Variants in ULK2 observed in about 807,000 individuals in gnomAD.
ULK2 encodes unc-51 like autophagy activating kinase 2, also known as serine/threonine-protein kinase ULK2.
A neutral mutation model predicts 127.5 loss-of-function variants in ULK2; 76 were observed. The observed-to-expected ratio is 0.60, with a 90% confidence interval of 0.50 to 0.72. The LOEUF is 0.72. Among genes scored for constraint, ULK2 ranks in the 30% least tolerant of loss-of-function variants. The pLI is 0.00. For synonymous variants in ULK2, 452 were observed against 461.9 expected (o/e 0.98, Z 0.28); for missense variants, 1,144 against 1,295.9 (o/e 0.88, Z 1.80).
Position 19,804,678 on chromosome 17 carries a change from A to G in ULK2, c.1295+15T>C. Reference sequence around the variant, plus strand: ...GATGAAAAAGAATTAAGCAAGAAAAAAGCTACTAACTTACCTTGGAGAACC... The same window carrying G: ...GATGAAAAAGAATTAAGCAAGAAAAGAGCTACTAACTTACCTTGGAGAACC... On this transcript the variant is annotated intron_variant, in intron 15 of 26. Coordinates refer to ENST00000395544, the MANE Select transcript of ULK2 (RefSeq NM_014683.4). 1 of 1,564,018 alleles carries G rather than the reference A, an allele frequency of 6.4e-7. No individual in the cohort carries two copies. The highest frequency in any genetic ancestry group is 1.9e-5 in the Admixed American group (1 of 51,606).
At chr17:19,829,359 A>C (rs557380654) in intron 10 of ULK2, among the ~76,000 whole-genome samples, 1 of 152,012 alleles carries the variant, frequency 6.6e-6, no homozygotes, top group African/African-American at 2.4e-5. Context: ...AAAATGGTGA[A>C]ACCCTGTCTC....
chr17:19,851,495 C>T (rs2042015089), intron 3 of ULK2, among the ~76,000 whole-genome samples: 1 of 151,628 alleles, frequency 6.6e-6, no homozygotes, highest in South Asian at 2.1e-4. Flanking sequence ...AAGAAATTAG[C>T]CGGGCGTGGT....
At chr17:19,797,068 CAGATCACTTGAGGCCAGG>C (rs2087286947) in intron 18 of ULK2, among the ~76,000 whole-genome samples, 1 of 152,110 alleles carries the variant, frequency 6.6e-6, no homozygotes, top group Non-Finnish European at 1.5e-5. Context: ...CTGAGGCAGG[CAGATCACTTGAGGCCAGG>C]AGTTAAAGAC....
At chr17:19,816,257 G>T (rs2040986387) in intron 13 of ULK2, among the ~76,000 whole-genome samples, 1 of 151,968 alleles carries the variant, frequency 6.6e-6, no homozygotes, top group South Asian at 2.1e-4. Context: ...TAGGTTTTCT[G>T]GTACCCTTCA....
rs2041000456 is a variant in ULK2 at position 19,816,786 on chromosome 17, A to G, written c.1059T>C (p.Phe353=). ...ACGAGATGTTGTGTGGCACCAAAAC[A>G]AAGTCATCCGTGTCACAAGAAGAGT... The part of the protein sequence containing the change: ...SKNSSCDTDD[F]VLVPHNISSD... The change falls in exon 13 of 27, where the codon TTT becomes TTC. Residue 353 remains phenylalanine (F), a synonymous_variant. Coordinates refer to ENST00000395544, the MANE Select transcript of ULK2 (RefSeq NM_014683.4). 1.2e-6 allele frequency: 2 copies of G among 1,607,856 alleles called. No individual in the cohort carries two copies. The highest frequency in any genetic ancestry group is 1.7e-6 in the Non-Finnish European group (2 of 1,178,288).
intron 3 of ULK2, among the ~76,000 whole-genome samples, chr17:19,852,565 T>C (rs888977712): frequency 3.3e-5 from 5 of 151,152 alleles, no homozygotes; most frequent in Non-Finnish European, 5.9e-5. Context: ...CATATACTGC[T>C]AGGCTATTTA....
At chr17:19,800,197 T>C (rs1254088805) in intron 16 of ULK2, among the ~76,000 whole-genome samples, 1 of 152,198 alleles carries the variant, frequency 6.6e-6, no homozygotes, top group Admixed American at 6.5e-5. Context: ...CTGAGGGCCC[T>C]CCCTGCTTCC....
At chr17:19,781,764 A>G in intron 23 of ULK2, 125 bp downstream of exon 23, 2 of 1,119,512 alleles carry the variant, frequency 1.8e-6, no homozygotes, top group Non-Finnish European at 2.5e-6. Flanking sequence ...GTACAAAGAA[A>G]TAATTGAGAC....
At chr17:19,859,078 C>A (rs1487396027) in intron 3 of ULK2, among the ~76,000 whole-genome samples, 1 of 152,128 alleles carries the variant, frequency 6.6e-6, no homozygotes, top group East Asian at 1.9e-4. Context: ...TCACTTTAGT[C>A]CAGCAGTTCG....
intron 10 of ULK2, among the ~76,000 whole-genome samples, chr17:19,829,084 A>C (rs753470313): frequency 1.8e-4 from 28 of 152,086 alleles, no homozygotes; most frequent in Non-Finnish European, 2.9e-4. Context: ...AAAAGAAAAA[A>C]GAAAAAGAGA....
At chr17:19,818,688 T>C (rs746849579) in intron 12 of ULK2, among the ~76,000 whole-genome samples, 9 of 152,164 alleles carry the variant, frequency 5.9e-5, no homozygotes, top group Non-Finnish European at 1.2e-4. Flanking sequence ...TCCTCTCCTT[T>C]TGTTATGGCA....
Position 19,867,479 on chromosome 17 carries a change from A to G in ULK2, c.-62T>C, listed in dbSNP as rs903631366. ...GGCGCAGTGCGGCGCAGGTATCAGC[A>G]CCGCGGCTCCGCGGGCCCGGAGCGC... On this transcript the variant is annotated 5_prime_UTR_variant, in exon 1 of 27. Coordinates refer to ENST00000395544, the MANE Select transcript of ULK2 (RefSeq NM_014683.4). The G allele has an allele frequency of 1.3e-4, 174 of 1,376,124 alleles. No individual in the cohort carries two copies. The highest frequency in any genetic ancestry group is 1.9e-4 in the Middle Eastern group (1 of 5,372). 85.2% of individuals were successfully genotyped at this position (1,376,124 alleles called of 1,614,324 possible).
At chr17:19,812,720 T>C (rs2087670210) in intron 13 of ULK2, among the ~76,000 whole-genome samples, 2 of 152,250 alleles carry the variant, frequency 1.3e-5, no homozygotes, top group Admixed American at 6.5e-5. Flanking sequence ...TGAATGCATA[T>C]CATTCTCCCA....
chr17:19,843,256 C>G, intron 7 of ULK2, 34 bp from the exon 8 acceptor site: 1 of 1,386,064 alleles, frequency 7.2e-7, no homozygotes, highest in Non-Finnish European at 9.8e-7. Flanking sequence ...GCATGCCGTA[C>G]GTTATTTACA....
chr17:19,848,566 C>T (rs1195614764), intron 5 of ULK2, among the ~76,000 whole-genome samples: 3 of 152,114 alleles, frequency 2.0e-5, no homozygotes, highest in Non-Finnish European at 4.4e-5. Flanking sequence ...ATCACGAGGT[C>T]AGGAGTTCGA....
intron 11 of ULK2, among the ~76,000 whole-genome samples, chr17:19,825,419 A>G (rs2041263700): frequency 6.6e-6 from 1 of 152,210 alleles, no homozygotes; most frequent in African/African-American, 2.4e-5. Flanking sequence ...TAGGTATCTA[A>G]GAAAATCAGG....
intron 14 of ULK2, among the ~76,000 whole-genome samples, chr17:19,805,193 C>G (rs903951105): frequency 6.6e-6 from 1 of 152,058 alleles, no homozygotes; most frequent in East Asian, 1.9e-4. Context: ...GGTAAAAGAA[C>G]GGGAAGTTCA....
intron 6 of ULK2, 98 bp downstream of exon 6, chr17:19,846,639 C>CAAA: frequency 5.4e-5 from 62 of 1,139,880 alleles, no homozygotes; most frequent in East Asian, 1.7e-4. Flanking sequence ...GACTCCATCT[C>CAAA]AAAAAAAAAA....
At chr17:19,818,077 C>T (rs914967134) in intron 12 of ULK2, among the ~76,000 whole-genome samples, 1 of 152,122 alleles carries the variant, frequency 6.6e-6, no homozygotes, top group Non-Finnish European at 1.5e-5. Context: ...AATTCCAGCA[C>T]TTTGGGAGGC....
Sources: allele counts gnomAD v4.1 joint callset (sites outside exome capture counted in the v4.1 genomes callset), GRCh38; gene constraint gnomAD v4.1.1; transcripts MANE v1.5; gene names NCBI Gene and HGNC (gene_info 2026-07-23, HGNC 2026-07-21).